ZNF804B: variants seen among roughly 807,000 people sequenced by gnomAD.
ZNF804B encodes the protein zinc finger 804B.
Under a neutral mutation model 101.4 loss-of-function variants are expected in ZNF804B, and 80 were observed. The observed-to-expected ratio is 0.79, with a 90% CI of 0.66 to 0.95. The LOEUF (loss-of-function observed/expected upper bound fraction) is 0.95, where lower values mean the gene tolerates loss of function less well. Ranked by LOEUF, ZNF804B falls within the 40% of genes least tolerant of loss-of-function variation. The pLI, the probability that ZNF804B is intolerant of heterozygous loss-of-function variation, is 0.00. For synonymous variants in ZNF804B, 622 were observed against 558.8 expected, an observed-to-expected ratio of 1.11 and a Z score of -1.59; for missense variants, 1,673 against 1,561.9, an observed-to-expected ratio of 1.07 and a Z score of -1.20.
intron 1 of ZNF804B, among the ~76,000 whole-genome samples, chr7:88,824,716 G>C (rs1562804114): frequency 8.3e-6 from 1 of 121,142 alleles, no homozygotes; most frequent in Non-Finnish European, 1.6e-5. Flanking sequence ...TGACTTTCTG[G>C]CTCTGTCCTT....
At chr7:89,254,037 T>C (rs1789585386) in intron 2 of ZNF804B, among the ~76,000 whole-genome samples, 1 of 152,172 alleles carries the variant, frequency 6.6e-6, no homozygotes, top group African/African-American at 2.4e-5. Flanking sequence ...AATATGTTAT[T>C]AATGGCACAT....
chr7:88,851,904 C>A (rs187209149), intron 1 of ZNF804B, among the ~76,000 whole-genome samples: 12 of 152,110 alleles, frequency 7.9e-5, no homozygotes, highest in African/African-American at 2.6e-4. Context: ...AGTGTTATAG[C>A]ATTGAGTACC....
chr7:88,883,189 G>A (rs1309269544), intron 1 of ZNF804B, among the ~76,000 whole-genome samples: 3 of 152,050 alleles, frequency 2.0e-5, no homozygotes, highest in African/African-American at 7.2e-5. Context: ...ATCTCATAAG[G>A]AAATTGTTTA....
chr7:89,310,356 G>T (rs38940), intron 2 of ZNF804B, among the ~76,000 whole-genome samples: 2 of 151,880 alleles, frequency 1.3e-5, no homozygotes, highest in Middle Eastern at 3.2e-3. Context: ...ATTCTGATAT[G>T]TATAGCTCAA....
At chr7:88,943,792 A>G (rs951352745) in intron 1 of ZNF804B, among the ~76,000 whole-genome samples, 3 of 151,898 alleles carry the variant, frequency 2.0e-5, no homozygotes, top group Non-Finnish European at 2.9e-5. Flanking sequence ...TTCTGCACCT[A>G]TAACTTTGAA....
intron 2 of ZNF804B, among the ~76,000 whole-genome samples, chr7:89,259,402 C>T (rs1407450321): frequency 2.6e-5 from 4 of 152,186 alleles, no homozygotes; most frequent in Non-Finnish European, 5.9e-5. Context: ...TGATGTCACG[C>T]ATAATACCTG....
intron 1 of ZNF804B, among the ~76,000 whole-genome samples, chr7:88,912,556 T>C (rs1379697675): frequency 6.6e-6 from 1 of 152,162 alleles, no homozygotes; most frequent in African/African-American, 2.4e-5. Flanking sequence ...ATTTTGTCTA[T>C]GTTCGTCTTG....
intron 1 of ZNF804B, among the ~76,000 whole-genome samples, chr7:89,207,063 T>C (rs1405438893): frequency 6.6e-6 from 1 of 152,236 alleles, no homozygotes. Context: ...AACAAGTCTC[T>C]AGAAAGTTCC....
intron 1 of ZNF804B, among the ~76,000 whole-genome samples, chr7:88,960,174 A>G (rs1392217722): frequency 6.6e-6 from 1 of 151,472 alleles, no homozygotes; most frequent in Non-Finnish European, 1.5e-5. Flanking sequence ...ATTATTTTCA[A>G]AATATATTTC....
Position 89,155,951 on chromosome 7 carries a change from C to CCTTT in ZNF804B, c.109-62201_109-62200insTCTT, listed in dbSNP as rs779081485. ...TGCTTTCCCTTTCTCTCCCTTCCTA[C>CCTTT]CTTCCCTCCTCTGTCTCTCTCTCTT... On this transcript the variant is annotated intron_variant, in intron 1 of 3. Transcript: ENST00000333190. Among the ~76,000 whole-genome samples, 608 of 151,356 alleles carry CCTTT rather than the reference C, an allele frequency of 4.0e-3. 3 individuals are homozygous for CCTTT. Among genetic ancestry groups the CCTTT allele is most frequent in the Non-Finnish European group, 6.2e-3 (417 of 67,774 alleles).
chr7:88,859,867 T>A (rs1205273012), intron 1 of ZNF804B, among the ~76,000 whole-genome samples: 3 of 151,880 alleles, frequency 2.0e-5, no homozygotes, highest in Non-Finnish European at 4.4e-5. Flanking sequence ...AAAGGATAAT[T>A]CCTGAAATTT....
At chr7:88,949,083 A>G (rs925531536) in intron 1 of ZNF804B, among the ~76,000 whole-genome samples, 4 of 149,382 alleles carry the variant, frequency 2.7e-5, no homozygotes, top group African/African-American at 4.9e-5. Flanking sequence ...TTTTTTTTGG[A>G]TTGTTCTATT....
chr7:89,338,236 T>A lies in ZNF804B; in HGVS notation c.*1204T>A, dbSNP rs1791135166. On this transcript the variant is annotated 3_prime_UTR_variant, in exon 4 of 4. Transcript: ENST00000333190. Reference sequence around the variant, plus strand: ...GGAGGTAATCATTTATCTAATGCTGTCTATACGAAGATGCAAACTCCTCTA... The same window carrying A: ...GGAGGTAATCATTTATCTAATGCTGACTATACGAAGATGCAAACTCCTCTA... Among the ~76,000 whole-genome samples the A allele has an allele frequency of 6.6e-6, 1 of 152,102 alleles. No homozygotes were observed. The highest frequency in any genetic ancestry group is 1.5e-5 in the Non-Finnish European group (1 of 67,948).
intron 1 of ZNF804B, among the ~76,000 whole-genome samples, chr7:88,843,462 G>A (rs1430452960): frequency 6.6e-6 from 1 of 152,076 alleles, no homozygotes; most frequent in Non-Finnish European, 1.5e-5. Flanking sequence ...CAAAGGCTGG[G>A]CGCGGTAGCT....
intron 1 of ZNF804B, among the ~76,000 whole-genome samples, chr7:88,946,770 C>T (rs955311741): frequency 6.6e-6 from 1 of 151,842 alleles, no homozygotes; most frequent in Non-Finnish European, 1.5e-5. Context: ...ATTACTGCCT[C>T]AATTTCAGAA....
At chr7:88,989,074 G>C (rs1360265593) in intron 1 of ZNF804B, among the ~76,000 whole-genome samples, 24 of 152,062 alleles carry the variant, frequency 1.6e-4, no homozygotes. Context: ...CTATGCTGGA[G>C]TGCAGTGGCA....
chr7:88,938,958 G>T (rs1341858279), intron 1 of ZNF804B, among the ~76,000 whole-genome samples: 1 of 151,962 alleles, frequency 6.6e-6, no homozygotes, highest in Admixed American at 6.6e-5. Flanking sequence ...ATTAACCTAA[G>T]GAATTCTTGT....
chr7:88,904,202 A>G (rs1032705495), intron 1 of ZNF804B, among the ~76,000 whole-genome samples: 3 of 152,184 alleles, frequency 2.0e-5, no homozygotes, highest in African/African-American at 7.2e-5. Flanking sequence ...CATTTATTCA[A>G]CAGGGAGTCC....
intron 1 of ZNF804B, among the ~76,000 whole-genome samples, chr7:89,156,606 G>A (rs1342240478): frequency 6.6e-6 from 1 of 152,086 alleles, no homozygotes; most frequent in Non-Finnish European, 1.5e-5. Context: ...AACATAGCAG[G>A]TGCTCAGAAA....
Sources: gnomAD v4.1 joint callset for allele counts (sites outside exome capture counted in the v4.1 genomes callset) on GRCh38, gnomAD v4.1.1 for gene constraint, MANE v1.5 for transcripts, NCBI Gene and HGNC (gene_info 2026-07-23, HGNC 2026-07-21) for gene names.